Variants in ZMAT4 observed in about 807,000 individuals in gnomAD.
The protein encoded by ZMAT4 is zinc finger matrin-type protein 4.
Under a neutral mutation model 28.7 loss-of-function variants are expected in ZMAT4, and 17 were observed. The observed-to-expected ratio is 0.59, with a 90% confidence interval of 0.41 to 0.89. The LOEUF is 0.89. Among genes scored for constraint, ZMAT4 ranks in the 40% least tolerant of loss-of-function variants. The pLI is 0.00. For synonymous variants in ZMAT4, 117 were observed against 109.2 expected (o/e 1.07, Z -0.44); for missense variants, 240 against 283.8 (o/e 0.85, Z 1.11).
intron 5 of ZMAT4, among the ~76,000 whole-genome samples, chr8:40,590,842 T>C (rs61463357): frequency 0.31 from 47,568 of 151,662 alleles, 7,760 homozygotes; most frequent in East Asian, 0.39. Context: ...TCTCTTTCTG[T>C]TTGATTACTT....
chr8:40,864,118 C>T (rs892724851), intron 1 of ZMAT4, among the ~76,000 whole-genome samples: 6 of 152,184 alleles, frequency 3.9e-5, no homozygotes, highest in Non-Finnish European at 7.3e-5. Context: ...CTGACCTGTG[C>T]TTGGATGGAC....
chr8:40,867,122 CT>C (rs144877279), intron 1 of ZMAT4, among the ~76,000 whole-genome samples: 261 of 152,304 alleles, frequency 1.7e-3, no homozygotes, highest in African/African-American at 6.1e-3. Flanking sequence ...GGATTTCCCC[CT>C]AGACCTTCTG....
chr8:40,644,359 C>T (rs2118780621), intron 5 of ZMAT4, among the ~76,000 whole-genome samples: 1 of 152,158 alleles, frequency 6.6e-6, no homozygotes, highest in East Asian at 1.9e-4. Context: ...GAGCCTTGAG[C>T]ATCTTGTTGT....
chr8:40,892,462 A>G (rs1193565242), intron 1 of ZMAT4, among the ~76,000 whole-genome samples: 1 of 152,228 alleles, frequency 6.6e-6, no homozygotes, highest in Non-Finnish European at 1.5e-5. Context: ...GGGAAGCTGG[A>G]GTGGAGTGCA....
At chr8:40,877,644 A>C (rs1227892158) in intron 1 of ZMAT4, among the ~76,000 whole-genome samples, 1 of 152,248 alleles carries the variant, frequency 6.6e-6, no homozygotes, top group African/African-American at 2.4e-5. Context: ...AACACATTCA[A>C]AATTTTTACT....
At chr8:40,555,231 G>T (rs1202110837) in intron 6 of ZMAT4, among the ~76,000 whole-genome samples, 2 of 152,090 alleles carry the variant, frequency 1.3e-5, no homozygotes, top group Non-Finnish European at 2.9e-5. Flanking sequence ...TGGACACTTA[G>T]GTTAATTCCA....
intron 5 of ZMAT4, among the ~76,000 whole-genome samples, chr8:40,650,513 A>G (rs1358573475): frequency 1.5e-5 from 2 of 130,986 alleles, no homozygotes; most frequent in Non-Finnish European, 3.4e-5. Context: ...AGGAACTGGT[A>G]CCATTCCTTC....
intron 2 of ZMAT4, among the ~76,000 whole-genome samples, chr8:40,796,132 T>A (rs1419829914): frequency 6.6e-6 from 1 of 152,142 alleles, no homozygotes; most frequent in Non-Finnish European, 1.5e-5. Context: ...AAGGGGACGT[T>A]TCCGCTCCAT....
At chr8:40,877,968 A>AATTTAC (rs1818097363) in intron 1 of ZMAT4, among the ~76,000 whole-genome samples, 1 of 152,208 alleles carries the variant, frequency 6.6e-6, no homozygotes, top group Non-Finnish European at 1.5e-5. Flanking sequence ...CAGAAGTCAT[A>AATTTAC]ATTTACATTT....
intron 3 of ZMAT4, among the ~76,000 whole-genome samples, chr8:40,754,355 C>A (rs1812585635): frequency 6.6e-6 from 1 of 152,096 alleles, no homozygotes; most frequent in African/African-American, 2.4e-5. Flanking sequence ...AGCTGTCTTT[C>A]CAATGAATCC....
chr8:40,711,807 G>C (rs1431080395), intron 3 of ZMAT4, among the ~76,000 whole-genome samples: 2 of 152,188 alleles, frequency 1.3e-5, no homozygotes, highest in Non-Finnish European at 2.9e-5. Context: ...CTGTGGAAAA[G>C]AGAGAGTCAA....
Position 40,581,198 on chromosome 8 carries a change from T to G in ZMAT4, c.641A>C (p.His214Pro), listed in dbSNP as rs1804453043. ...GTGTTTAGATCCTTTCAGATGGGCATGATACTGTTCTATTGAGTTTAGGGA... is the reference window on the plus strand; with the variant it reads ...GTGTTTAGATCCTTTCAGATGGGCAGGATACTGTTCTATTGAGTTTAGGGA... Reference protein sequence around the residue: ...SVSLNSIEQYHAHLKGSKHQT... With the variant: ...SVSLNSIEQYPAHLKGSKHQT... Residue 214 changes from histidine to proline, a missense_variant, in exon 6 of 7, where the codon CAT (histidine) becomes CCT (proline). Transcript: ENST00000297737. 1 of 1,613,388 alleles carries G rather than the reference T, an allele frequency of 6.2e-7. No individual in the cohort carries two copies. The highest frequency in any genetic ancestry group is 8.5e-7 in the Non-Finnish European group (1 of 1,179,562).
chr8:40,759,832 C>G (rs1182732713), intron 3 of ZMAT4, among the ~76,000 whole-genome samples: 1 of 152,200 alleles, frequency 6.6e-6, no homozygotes, highest in Admixed American at 6.5e-5. Context: ...GCTGCAAAGA[C>G]CAACCTTTCC....
chr8:40,755,119 C>A (rs1812622523), intron 3 of ZMAT4, among the ~76,000 whole-genome samples: 1 of 152,206 alleles, frequency 6.6e-6, no homozygotes, highest in African/African-American at 2.4e-5. Context: ...AAATTTCAAA[C>A]TTTTCTCTGA....
At chr8:40,789,460 A>G (rs1814233782) in intron 2 of ZMAT4, among the ~76,000 whole-genome samples, 1 of 152,228 alleles carries the variant, frequency 6.6e-6, no homozygotes, top group African/African-American at 2.4e-5. Flanking sequence ...GCAAATGGAC[A>G]ATGGTCAGAC....
chr8:40,748,261 C>T (rs1245228363), intron 3 of ZMAT4, among the ~76,000 whole-genome samples: 2 of 152,166 alleles, frequency 1.3e-5, no homozygotes, highest in Non-Finnish European at 2.9e-5. Context: ...TTTTGCTATA[C>T]GGAGTCACAG....
Position 40,664,785 on chromosome 8 carries a change from T to A in ZMAT4, c.577+9919A>T, listed in dbSNP as rs187434685. Reference sequence around the variant, plus strand: ...AGCAATAGTTGCATTGGTTACCTTATAAATCTTTTTTAAAATAATTATTGC... The same window carrying A: ...AGCAATAGTTGCATTGGTTACCTTAAAAATCTTTTTTAAAATAATTATTGC... On this transcript the variant is annotated intron_variant, in intron 5 of 6. Transcript: ENST00000297737. Among the ~76,000 whole-genome samples the A allele has an allele frequency of 7.9e-3, 1,209 of 152,342 alleles. 8 individuals carry two copies. Among genetic ancestry groups the A allele is most frequent in the Non-Finnish European group, 0.012 (811 of 68,028 alleles).
At chr8:40,786,447 A>ACATACATTCATT in intron 2 of ZMAT4, among the ~76,000 whole-genome samples, 1 of 151,572 alleles carries the variant, frequency 6.6e-6, no homozygotes, top group Non-Finnish European at 1.5e-5. Context: ...GAAGTACATG[A>ACATACATTCATT]CATTCATTCA....
At chr8:40,732,614 C>T (rs1224680756) in intron 3 of ZMAT4, among the ~76,000 whole-genome samples, 1 of 152,216 alleles carries the variant, frequency 6.6e-6, no homozygotes, top group Non-Finnish European at 1.5e-5. Context: ...GAAGGACAGT[C>T]TATAGCTATC....
Sources: allele counts gnomAD v4.1 joint callset (sites outside exome capture counted in the v4.1 genomes callset), GRCh38; gene constraint gnomAD v4.1.1; transcripts MANE v1.5; gene names NCBI Gene and HGNC (gene_info 2026-07-23, HGNC 2026-07-21).